COL25A1: variants seen among roughly 807,000 people sequenced by gnomAD.
COL25A1 encodes the protein collagen type XXV alpha 1 chain.
In COL25A1, 103 loss-of-function variants were observed where a neutral mutation model predicts 128.4. The observed-to-expected ratio is 0.80, with a 90% CI of 0.68 to 0.94. The LOEUF (loss-of-function observed/expected upper bound fraction) is 0.94, where lower values mean the gene tolerates loss of function less well. Ranked by LOEUF, COL25A1 falls within the 40% of genes least tolerant of loss-of-function variation. The pLI, the probability that COL25A1 is intolerant of heterozygous loss-of-function variation, is 0.00. For missense variants in COL25A1, 745 were observed against 840.0 expected, an observed-to-expected ratio of 0.89 and a Z score of 1.40; for synonymous variants, 279 against 277.2, an observed-to-expected ratio of 1.01 and a Z score of -0.06.
intron 3 of COL25A1, among the ~76,000 whole-genome samples, chr4:109,143,354 A>C (rs1332432117): frequency 6.6e-6 from 1 of 151,982 alleles, no homozygotes; most frequent in Non-Finnish European, 1.5e-5. Context: ...CCTTCATTTT[A>C]ACCTTGTTGA....
chr4:108,951,611 C>T (rs1306284564), intron 8 of COL25A1, among the ~76,000 whole-genome samples: 1 of 147,384 alleles, frequency 6.8e-6, no homozygotes. Context: ...GTCTCAAACT[C>T]CTGATCTCAG....
chr4:109,022,017 G>C (rs543614349), intron 5 of COL25A1, among the ~76,000 whole-genome samples: 1 of 152,308 alleles, frequency 6.6e-6, no homozygotes, highest in Admixed American at 6.5e-5. Flanking sequence ...CCCTGGTCCT[G>C]TTTCCTCAGA....
At chr4:109,222,124 C>T (rs369792864) in intron 3 of COL25A1, among the ~76,000 whole-genome samples, 74 of 123,376 alleles carry the variant, frequency 6.0e-4, no homozygotes, top group Admixed American at 2.3e-3. Flanking sequence ...AGTGCAATGG[C>T]GCCATCCCAG....
chr4:109,031,574 C>T (rs1321560053), intron 5 of COL25A1, among the ~76,000 whole-genome samples: 1 of 152,150 alleles, frequency 6.6e-6, no homozygotes, highest in Non-Finnish European at 1.5e-5. Flanking sequence ...AGAGGGAGAA[C>T]AATGGCACTT....
rs1374708445 is a variant in COL25A1, at chr4:109,071,320, G to A, written c.368-21141C>T. Among the ~76,000 whole-genome samples, 5 of 152,142 alleles carry A rather than the reference G, an allele frequency of 3.3e-5. No homozygotes were observed. In the East Asian group the frequency reaches 7.7e-4, roughly 23 times the overall value. On this transcript the variant is annotated intron_variant, in intron 3 of 37. Transcript: ENST00000399132. ...TTCAAGATGGATTAAAGACTTACAT[G>A]TTAGACCTAAAACCATAAAAACCCT...
At chr4:109,201,324 G>A (rs1040084067) in intron 3 of COL25A1, among the ~76,000 whole-genome samples, 1 of 152,090 alleles carries the variant, frequency 6.6e-6, no homozygotes, top group African/African-American at 2.4e-5. Context: ...AGGTATAAAA[G>A]ACCAATTTGA....
intron 13 of COL25A1, among the ~76,000 whole-genome samples, chr4:108,903,368 A>T (rs1457261005): frequency 6.6e-6 from 1 of 151,992 alleles, no homozygotes; most frequent in Non-Finnish European, 1.5e-5. Flanking sequence ...CATATTGCAT[A>T]GCTTGATGTT....
chr4:109,050,222 T>C (rs1863291), intron 3 of COL25A1, 43 bp from the exon 4 acceptor site: 403,114 of 1,512,444 alleles, frequency 0.27, 56,822 homozygotes, highest in South Asian at 0.39. Context: ...TTTAATTCTT[T>C]TTCCTGGTTC....
At chr4:108,986,593 A>C (rs1038515065) in intron 6 of COL25A1, among the ~76,000 whole-genome samples, 1 of 152,188 alleles carries the variant, frequency 6.6e-6, no homozygotes, top group Non-Finnish European at 1.5e-5. Flanking sequence ...ATATATAATA[A>C]ATGTCCTAGA....
intron 11 of COL25A1, among the ~76,000 whole-genome samples, chr4:108,936,667 C>T (rs1008895844): frequency 1.3e-5 from 2 of 151,776 alleles, no homozygotes; most frequent in South Asian, 4.2e-4. Context: ...TTCATTTCAC[C>T]AGGGATCCTG....
intron 3 of COL25A1, among the ~76,000 whole-genome samples, chr4:109,150,460 C>T (rs1771391553): frequency 6.6e-6 from 1 of 152,082 alleles, no homozygotes; most frequent in Admixed American, 6.5e-5. Flanking sequence ...AGGGATGTTG[C>T]ATAGCAAGAA....
At chr4:109,149,287 TAAAGA>T (rs1435752099) in intron 3 of COL25A1, among the ~76,000 whole-genome samples, 9 of 152,308 alleles carry the variant, frequency 5.9e-5, no homozygotes, top group East Asian at 3.9e-4. Context: ...TTGTCATGAT[TAAAGA>T]AAAGTTGAAA....
chr4:109,254,069 A>G (rs2126247069), intron 3 of COL25A1, among the ~76,000 whole-genome samples: 1 of 151,332 alleles, frequency 6.6e-6, no homozygotes, highest in Admixed American at 6.6e-5. Flanking sequence ...CCTGGGCGAC[A>G]GTGCGAGACT....
intron 3 of COL25A1, among the ~76,000 whole-genome samples, chr4:109,147,816 CAAA>C (rs34761348): frequency 1.3e-4 from 13 of 100,486 alleles, no homozygotes; most frequent in African/African-American, 2.3e-4. Context: ...GACTCTGTCT[CAAA>C]AAAAAAAAAA....
chr4:109,169,979 A>G (rs1310198856), intron 3 of COL25A1, among the ~76,000 whole-genome samples: 1 of 152,102 alleles, frequency 6.6e-6, no homozygotes, highest in Non-Finnish European at 1.5e-5. Context: ...ATATATAATA[A>G]ATGAATAAAC....
chr4:109,019,623 T>C (rs3108324), intron 5 of COL25A1, among the ~76,000 whole-genome samples: 72,813 of 151,400 alleles, frequency 0.48, 19,239 homozygotes, highest in African/African-American at 0.68. Context: ...GGGTCTCAAC[T>C]CATTCACTAT....
chr4:109,065,817 G>A (rs1762403772), intron 3 of COL25A1, among the ~76,000 whole-genome samples: 3 of 152,112 alleles, frequency 2.0e-5, no homozygotes, highest in Non-Finnish European at 4.4e-5. Flanking sequence ...TCCTTGTGAT[G>A]ACAGATTAAA....
chr4:108,920,731 A>AG (rs1396310840), intron 11 of COL25A1, 127 bp from the exon 12 acceptor site: 17 of 462,924 alleles, frequency 3.7e-5, no homozygotes, highest in Non-Finnish European at 5.3e-5. Context: ...TTCATATATC[A>AG]GGAAAAAAAA....
chr4:108,907,182 G>A (rs1169883806), intron 13 of COL25A1, among the ~76,000 whole-genome samples: 1 of 152,176 alleles, frequency 6.6e-6, no homozygotes, highest in Non-Finnish European at 1.5e-5. Context: ...GCGAGTGCGA[G>A]TTAGAAGAGG....
Sources: allele counts gnomAD v4.1 joint callset (sites outside exome capture counted in the v4.1 genomes callset), GRCh38; gene constraint gnomAD v4.1.1; transcripts MANE v1.5; gene names NCBI Gene and HGNC (gene_info 2026-07-23, HGNC 2026-07-21).